RABGEF1: variants seen among roughly 807,000 people sequenced by gnomAD.
The protein encoded by RABGEF1 is RAB guanine nucleotide exchange factor 1, also known as rab5 GDP/GTP exchange factor.
A neutral mutation model predicts 57.3 loss-of-function variants in RABGEF1; 26 were observed. That is an observed-to-expected ratio of 0.45 (90% CI 0.33 to 0.63). The LOEUF (loss-of-function observed/expected upper bound fraction) is 0.63. Ranked by LOEUF, RABGEF1 falls within the 20% of genes least tolerant of loss-of-function variation. RABGEF1 has a pLI of 0.02. For synonymous variants in RABGEF1, 185 were observed against 210.7 expected, an observed-to-expected ratio of 0.88 and a Z score of 1.06; for missense variants, 464 against 607.6, an observed-to-expected ratio of 0.76 and a Z score of 2.48.
At chr7:66,673,559 A>G in the RABGEF1 span, among the ~76,000 whole-genome samples, 4 of 150,932 alleles carry the variant, frequency 2.7e-5, no homozygotes, top group Non-Finnish European at 5.9e-5. Context: ...AGAGGATTAC[A>G]TGGGATAACC....
chr7:66,753,704 T>TTG (rs1163145421), intron 1 of RABGEF1, among the ~76,000 whole-genome samples: 2 of 137,512 alleles, frequency 1.5e-5, no homozygotes, highest in Non-Finnish European at 3.2e-5. Flanking sequence ...TGCCATCGTT[T>TTG]TTTTTTTTTT....
chr7:66,692,529 C>T (rs1791672629), intron 1 of RABGEF1, among the ~76,000 whole-genome samples: 1 of 152,176 alleles, frequency 6.6e-6, no homozygotes, highest in East Asian at 1.9e-4. Flanking sequence ...GGACTGTGTT[C>T]CTGCCGTCAC....
intron 1 of RABGEF1, among the ~76,000 whole-genome samples, chr7:66,750,431 T>C (rs940405413): frequency 5.9e-5 from 9 of 152,180 alleles, no homozygotes; most frequent in South Asian, 4.1e-4. Context: ...TATTACTTTC[T>C]CCCAAGAGCC....
the RABGEF1 span, among the ~76,000 whole-genome samples, chr7:66,663,768 AAAAT>A: frequency 2.0e-5 from 3 of 151,788 alleles, no homozygotes; most frequent in Non-Finnish European, 2.9e-5. Context: ...TAAAAAAATA[AAAAT>A]AAATAAAACT....
chr7:66,657,956 G>A, the RABGEF1 span, among the ~76,000 whole-genome samples: 1 of 152,058 alleles, frequency 6.6e-6, no homozygotes, highest in African/African-American at 2.4e-5. Context: ...GATTAGAGTG[G>A]AAATAAATAA....
At chr7:66,725,601 T>C (rs1796499024) in intron 2 of RABGEF1, among the ~76,000 whole-genome samples, 1 of 152,230 alleles carries the variant, frequency 6.6e-6, no homozygotes, top group Non-Finnish European at 1.5e-5. Context: ...GATGTTATGC[T>C]GTTTTTGTTC....
Position 66,729,281 on chromosome 7 carries a change from TCATCCTCCCCTC to T in RABGEF1, c.-814-10699_-814-10688del, listed in dbSNP as rs1023162354. ...TCCACCATTACCACCATCCTCGCCT[TCATCCTCCCCTC>T]CATCCTCCCCTCCATTCTTCGTTCC... On this transcript the variant is annotated intron_variant and NMD_transcript_variant, in intron 2 of 9. Coordinates refer to the RABGEF1 transcript ENST00000607882. Among the ~76,000 whole-genome samples the T allele has an allele frequency of 1.3e-4, 16 of 126,108 alleles. No individual in the cohort carries two copies. The South Asian group carries it at 1.9e-3, about 15-fold the overall frequency. 82.7% of individuals were successfully genotyped at this position (126,108 alleles called of 152,430 possible).
At chr7:66,717,430 T>C (rs1436498107) in intron 2 of RABGEF1, among the ~76,000 whole-genome samples, 2 of 152,316 alleles carry the variant, frequency 1.3e-5, no homozygotes, top group South Asian at 4.1e-4. Flanking sequence ...AAATACTTAT[T>C]AGACAATATT....
chr7:66,734,514 T>G (rs747470654), intron 2 of RABGEF1, among the ~76,000 whole-genome samples: 21 of 152,162 alleles, frequency 1.4e-4, no homozygotes, highest in Non-Finnish European at 2.5e-4. Context: ...CAGGCTGGTC[T>G]TGAATGCCTG....
At chr7:66,759,209 G>A (rs1454559173) in intron 1 of RABGEF1, among the ~76,000 whole-genome samples, 2 of 152,160 alleles carry the variant, frequency 1.3e-5, no homozygotes, top group Admixed American at 6.5e-5. Flanking sequence ...TTCGTAATTC[G>A]TTCGAGGCTC....
intron 1 of RABGEF1, among the ~76,000 whole-genome samples, chr7:66,693,085 C>G (rs1279484638): frequency 6.6e-6 from 1 of 152,296 alleles, no homozygotes; most frequent in East Asian, 1.9e-4. Flanking sequence ...CTGAAAGGCA[C>G]GTCGTTCTAG....
intron 1 of RABGEF1, among the ~76,000 whole-genome samples, chr7:66,751,914 A>C (rs1458741138): frequency 6.6e-6 from 1 of 152,178 alleles, no homozygotes; most frequent in Non-Finnish European, 1.5e-5. Context: ...TCAAAATCTT[A>C]GGCTGGGCAC....
rs750214968 is a variant in RABGEF1 at position 66,809,145 on chromosome 7, C to G, written c.1337C>G (p.Ala446Gly). Reference sequence around the variant, plus strand: ...CTCATAGATTGGACAGATGGAATTGCAAGAGAAGTTCAAGACATCGTTGAG... The same window carrying G: ...CTCATAGATTGGACAGATGGAATTGGAAGAGAAGTTCAAGACATCGTTGAG... Reference protein sequence around the residue: ...KDLIDWTDGIAREVQDIVEKY... With the variant: ...KDLIDWTDGIGREVQDIVEKY... Residue 446 changes from alanine (A) to glycine (G), a missense_variant, in exon 9 of 9, where the codon GCA becomes GGA. Physicochemically the swap from Ala to Gly is moderately conservative, Grantham distance 60. Transcript: ENST00000284957. 3 of 1,614,032 alleles carry G rather than the reference C, an allele frequency of 1.9e-6. No individual in the cohort carries two copies. Among genetic ancestry groups the G allele is most frequent in the South Asian group, 1.1e-5 (1 of 91,078 alleles).
At position 66,793,427 on chromosome 7, in the gene RABGEF1, C is replaced by T. The variant is rs199804917; in HGVS notation, c.514-2084C>T. ...ACATGAGGCCAGGTGTGGAATTTCC[C>T]ACTTGTGGTGTCATGTCGACACTGA... On this transcript the variant is annotated intron_variant, in intron 4 of 8. Coordinates refer to ENST00000284957, the MANE Select transcript of RABGEF1 (RefSeq NM_014504.3). Among the ~76,000 whole-genome samples, 59 of 152,278 alleles carry T rather than the reference C, an allele frequency of 3.9e-4. No individual in the cohort carries two copies. In the East Asian group the frequency reaches 8.9e-3, roughly 23 times the overall value.
At chr7:66,770,802 C>T (rs958954637) in intron 1 of RABGEF1, among the ~76,000 whole-genome samples, 2 of 152,056 alleles carry the variant, frequency 1.3e-5, no homozygotes, top group Non-Finnish European at 1.5e-5. Flanking sequence ...TTTTTTTTTA[C>T]AGTAGCCATC....
intron 1 of RABGEF1, among the ~76,000 whole-genome samples, chr7:66,767,398 C>A (rs1432950899): frequency 6.6e-6 from 1 of 152,030 alleles, no homozygotes. Context: ...TATGTAAACA[C>A]CTCCACAATC....
chr7:66,683,911 T>A (rs1790183010), intron 1 of RABGEF1, among the ~76,000 whole-genome samples: 1 of 152,076 alleles, frequency 6.6e-6, no homozygotes. Context: ...CAGCTGATTT[T>A]TAAAGATTTT....
intron 1 of RABGEF1, among the ~76,000 whole-genome samples, chr7:66,741,449 C>A (rs2129047965): frequency 6.6e-6 from 1 of 152,220 alleles, no homozygotes; most frequent in East Asian, 1.9e-4. Context: ...ATGCCCATCA[C>A]GGCAGTTTAG....
At chr7:66,699,144 G>A (rs1020706559) in intron 1 of RABGEF1, among the ~76,000 whole-genome samples, 16 of 152,130 alleles carry the variant, frequency 1.1e-4, no homozygotes, top group South Asian at 6.2e-4. Context: ...GGGTTTCCTC[G>A]TGGGTCCATT....
Sources: allele counts gnomAD v4.1 joint callset (sites outside exome capture counted in the v4.1 genomes callset), GRCh38; gene constraint gnomAD v4.1.1; transcripts MANE v1.5; gene names NCBI Gene and HGNC (gene_info 2026-07-23, HGNC 2026-07-21).